Variants in SHTN1 observed in about 807,000 individuals in gnomAD.
SHTN1 encodes shootin-1.
SHTN1 carries 42 observed loss-of-function variants against 83.1 expected under a neutral mutation model. That is an observed-to-expected ratio of 0.51 (90% CI 0.39 to 0.65). The LOEUF (loss-of-function observed/expected upper bound fraction) is 0.65. SHTN1 is among the 30% of genes least tolerant of loss of function. The probability of loss-of-function intolerance (pLI) is 0.00; values close to 1 mark genes in which losing one functional copy is unlikely to be tolerated. For synonymous variants in SHTN1, 224 were observed against 247.7 expected (o/e 0.90, Z 0.90); for missense variants, 622 against 737.8 (o/e 0.84, Z 1.82).
intron 1 of SHTN1, among the ~76,000 whole-genome samples, chr10:116,998,998 C>T (rs1485915683): frequency 3.3e-5 from 5 of 152,152 alleles, no homozygotes; most frequent in Non-Finnish European, 7.3e-5. Flanking sequence ...GTGCCAAAAG[C>T]ATTTTCTTTT....
At chr10:116,946,227 T>G (rs1013549684) in intron 7 of SHTN1, among the ~76,000 whole-genome samples, 1 of 148,890 alleles carries the variant, frequency 6.7e-6, no homozygotes, top group Non-Finnish European at 1.5e-5. Context: ...ACAAAACATT[T>G]AATATGTATA....
Position 117,030,051 on chromosome 10 carries a change from G to A in SHTN1, c.-123+18394C>T, listed in dbSNP as rs1316136946. On this transcript the variant is annotated intron_variant, in intron 2 of 17. Transcript: ENST00000392901. ...CTACAGGTGCATGCCATCACGCCCG[G>A]CTAATTTTTGTATTTTTAGTAGAGA... Among the ~76,000 whole-genome samples, 5 of 152,016 alleles carry A rather than the reference G, an allele frequency of 3.3e-5. No individual in the cohort carries two copies. In the East Asian group the frequency reaches 9.7e-4, roughly 29 times the overall value.
At chr10:116,943,344 T>C (rs1011536220) in intron 8 of SHTN1, among the ~76,000 whole-genome samples, 2 of 152,222 alleles carry the variant, frequency 1.3e-5, no homozygotes, top group Non-Finnish European at 2.9e-5. Context: ...TCTAACATCA[T>C]TGTGCAAACA....
intron 6 of SHTN1, among the ~76,000 whole-genome samples, chr10:116,950,525 T>C (rs974005199): frequency 6.6e-6 from 1 of 152,162 alleles, no homozygotes; most frequent in Admixed American, 6.6e-5. Flanking sequence ...ATAAAAATAA[T>C]TGTTGAATTG....
intron 1 of SHTN1, among the ~76,000 whole-genome samples, chr10:117,111,321 T>C (rs1313536295): frequency 2.6e-5 from 4 of 151,230 alleles, no homozygotes; most frequent in Admixed American, 1.3e-4. Context: ...TGAGATGGAG[T>C]CTCGTTCTGT....
At chr10:117,015,833 A>G (rs1852174320) in intron 2 of SHTN1, among the ~76,000 whole-genome samples, 1 of 152,096 alleles carries the variant, frequency 6.6e-6, no homozygotes, top group South Asian at 2.1e-4. Context: ...GTTCCTATTG[A>G]CTCTATAGCA....
In SHTN1 at chr10:116,956,695, T is replaced by C. The variant is rs150773206; in HGVS notation, c.268-2485A>G. ...TTAGACAACCACTACAATAATACCT[T>C]AGCAACATCATAGCTAACAGTTCTG... On this transcript the variant is annotated intron_variant, in intron 4 of 16. Coordinates refer to ENST00000355371, the MANE Select transcript of SHTN1 (RefSeq NM_001127211.3). Among the ~76,000 whole-genome samples, 791 of 152,226 alleles carry C rather than the reference T, an allele frequency of 5.2e-3. 10 individuals are homozygous for C. Among genetic ancestry groups the C allele is most frequent in the African/African-American group, 0.018 (753 of 41,534 alleles).
chr10:117,006,601 G>A (rs1265986515), upstream of SHTN1, among the ~76,000 whole-genome samples: 1 of 151,214 alleles, frequency 6.6e-6, no homozygotes, highest in African/African-American at 2.4e-5. Context: ...AGGTCTGTGA[G>A]AAAGGGGTTG....
intron 16 of SHTN1, among the ~76,000 whole-genome samples, chr10:116,898,963 T>C (rs1354918981): frequency 2.0e-5 from 3 of 152,220 alleles, no homozygotes; most frequent in African/African-American, 7.2e-5. Context: ...TAGGAATTTA[T>C]TGAAAGAAAA....
At chr10:117,010,227 G>A (rs924757365), upstream of SHTN1, among the ~76,000 whole-genome samples, 1 of 151,716 alleles carries the variant, frequency 6.6e-6, no homozygotes. Context: ...TATTAAAATG[G>A]GGACAGTAAT....
chr10:116,935,101 C>A (rs967383168), intron 9 of SHTN1, among the ~76,000 whole-genome samples: 1 of 152,196 alleles, frequency 6.6e-6, no homozygotes, highest in African/African-American at 2.4e-5. Context: ...ACAATCATGT[C>A]ATCTGCAAAC....
At chr10:117,069,370 T>C (rs1333887510) in intron 1 of SHTN1, among the ~76,000 whole-genome samples, 1 of 151,990 alleles carries the variant, frequency 6.6e-6, no homozygotes, top group Non-Finnish European at 1.5e-5. Flanking sequence ...GAAAGATGTA[T>C]AGATCACTCT....
chr10:116,921,406 C>G, intron 12 of SHTN1, 28 bp downstream of exon 12: 1 of 1,542,742 alleles, frequency 6.5e-7, no homozygotes, highest in Non-Finnish European at 8.9e-7. Flanking sequence ...CACCATCAAC[C>G]ACTTACACCA....
At chr10:116,927,343 A>G (rs1302777204) in intron 11 of SHTN1, among the ~76,000 whole-genome samples, 1 of 152,168 alleles carries the variant, frequency 6.6e-6, no homozygotes, top group African/African-American at 2.4e-5. Context: ...TCATGCTGCT[A>G]ATAAAGATAT....
chr10:116,956,467 T>C (rs1849982908), intron 4 of SHTN1, among the ~76,000 whole-genome samples: 1 of 152,212 alleles, frequency 6.6e-6, no homozygotes, highest in Non-Finnish European at 1.5e-5. Context: ...ATATATAAAG[T>C]ATTTAATATA....
intron 6 of SHTN1, among the ~76,000 whole-genome samples, chr10:116,950,471 T>C (rs537814885): frequency 5.3e-5 from 8 of 152,222 alleles, no homozygotes; most frequent in Non-Finnish European, 1.2e-4. Flanking sequence ...CTCAGCCCCA[T>C]TATTTTGTTC....
rs1847149784 is a variant in SHTN1 at position 116,885,923 on chromosome 10, G to T, written c.*421C>A. On this transcript the variant is annotated 3_prime_UTR_variant, in exon 17 of 17. Transcript: ENST00000355371. ...CATCAAGAGGATCAGACCCAAAACAGAAGCTTCTTTGGGGGCTTTTAAAAT... is the reference window on the plus strand; with the variant it reads ...CATCAAGAGGATCAGACCCAAAACATAAGCTTCTTTGGGGGCTTTTAAAAT... 6.0e-6 allele frequency: 1 copy of T among 167,724 alleles called. No homozygotes were observed. The highest frequency in any genetic ancestry group is 2.4e-5 in the African/African-American group (1 of 41,612). The allele number at this position is 167,724 out of a possible 1,614,324, so 10.4% of individuals were successfully genotyped here. A position where few individuals can be genotyped will look rare whatever the true frequency, so the allele number is the denominator to read the frequency against.
intron 13 of SHTN1, among the ~76,000 whole-genome samples, chr10:116,913,084 G>A (rs1385344472): frequency 1.3e-5 from 2 of 152,048 alleles, no homozygotes; most frequent in Admixed American, 1.3e-4. Flanking sequence ...CTACCACCAA[G>A]GAATTTTGAA....
chr10:116,968,241 T>G (rs1850471796), intron 3 of SHTN1, among the ~76,000 whole-genome samples: 1 of 152,134 alleles, frequency 6.6e-6, no homozygotes, highest in South Asian at 2.1e-4. Flanking sequence ...CATGCAAATA[T>G]GACCAGGAGT....
Sources: gnomAD v4.1 joint callset for allele counts (sites outside exome capture counted in the v4.1 genomes callset) on GRCh38, gnomAD v4.1.1 for gene constraint, MANE v1.5 for transcripts, NCBI Gene and HGNC (gene_info 2026-07-23, HGNC 2026-07-21) for gene names.